Variants in BCL2L13 observed in about 807,000 individuals in gnomAD.
BCL2L13 encodes BCL2 like 13, also known as bcl-2-like protein 13.
A neutral mutation model predicts 25.8 loss-of-function variants in BCL2L13; 13 were observed. The observed-to-expected ratio is 0.50, with a 90% CI of 0.33 to 0.80. BCL2L13 has a LOEUF of 0.80. Among genes scored for constraint, BCL2L13 ranks in the 30% least tolerant of loss-of-function variants. The probability of loss-of-function intolerance (pLI) is 0.02; values close to 1 mark genes in which losing one functional copy is unlikely to be tolerated. For missense variants in BCL2L13, 504 were observed against 574.9 expected, an observed-to-expected ratio of 0.88 and a Z score of 1.26; for synonymous variants, 244 against 230.3, an observed-to-expected ratio of 1.06 and a Z score of -0.54.
intron 1 of BCL2L13, chr22:17,629,020 G>A (rs1230175264): frequency 2.1e-5 from 5 of 234,898 alleles, no homozygotes; most frequent in Non-Finnish European, 4.4e-5. Flanking sequence ...ATTGGAGAAT[G>A]TGCCTTTATT....
At chr22:17,716,640 A>G (rs1232085547) in intron 6 of BCL2L13, among the ~76,000 whole-genome samples, 1 of 152,216 alleles carries the variant, frequency 6.6e-6, no homozygotes, top group African/African-American at 2.4e-5. Flanking sequence ...GGAAAACATT[A>G]ATGTGCTCAA....
intron 2 of BCL2L13, among the ~76,000 whole-genome samples, chr22:17,670,373 CTT>C (rs370701152): frequency 8.5e-5 from 11 of 128,854 alleles, no homozygotes; most frequent in Middle Eastern, 4.0e-3. Context: ...CTCAAATCAG[CTT>C]TTTTTTTTTT....
At position 17,660,083 on chromosome 22, in the gene BCL2L13, T is replaced by C. The variant is rs563506344; in HGVS notation, c.121+4251T>C. Among the ~76,000 whole-genome samples, 128 of 145,934 alleles carry C rather than the reference T, an allele frequency of 8.8e-4. 17 individuals are homozygous for C. Among genetic ancestry groups the C allele is most frequent in the Admixed American group, 1.4e-3 (21 of 14,578 alleles). On this transcript the variant is annotated intron_variant, in intron 2 of 6. Transcript: ENST00000317582. ...GTTGGCCAGGCTGGTCTCGAACTCTTGTTCTCAGGTGATCCACCCCACCTT... is the reference window on the plus strand; with the variant it reads ...GTTGGCCAGGCTGGTCTCGAACTCTCGTTCTCAGGTGATCCACCCCACCTT...
intron 1 of BCL2L13, 74 bp downstream of exon 1, chr22:17,638,960 G>A (rs1386858149): frequency 8.5e-6 from 10 of 1,174,954 alleles, no homozygotes; most frequent in East Asian, 6.4e-5. Context: ...AAAGTGCCCA[G>A]AGACCGTATC....
In BCL2L13 at chr22:17,655,727, A is replaced by C. The variant is rs761460795; in HGVS notation, c.16A>C (p.Thr6Pro). MASSS[T>P]VPLGFHYETK... Reference sequence around the variant, plus strand: ...AGCCAATTCAATGGCGTCCTCTTCTACTGTGCCTCTGGGATTTCACTATGA... The same window carrying C: ...AGCCAATTCAATGGCGTCCTCTTCTCCTGTGCCTCTGGGATTTCACTATGA... Residue 6 changes from threonine to proline, a missense_variant, in exon 2 of 7, where the codon ACT becomes CCT. By Grantham distance (38) the Thr-to-Pro change is conservative. Coordinates refer to ENST00000317582, the MANE Select transcript of BCL2L13 (RefSeq NM_015367.4). 3 of 1,613,098 alleles carry C rather than the reference A, an allele frequency of 1.9e-6. No individual in the cohort carries two copies. The highest frequency in any genetic ancestry group is 3.3e-5 in the Admixed American group (2 of 59,926).
chr22:17,673,284 A>G (rs994014542), intron 2 of BCL2L13, among the ~76,000 whole-genome samples: 1 of 150,828 alleles, frequency 6.6e-6, no homozygotes, highest in South Asian at 2.1e-4. Context: ...TAAATGCTCT[A>G]TTTATCTTCC....
At chr22:17,636,673 G>A (rs1012637788), upstream of BCL2L13, among the ~76,000 whole-genome samples, 1 of 152,030 alleles carries the variant, frequency 6.6e-6, no homozygotes, top group Admixed American at 6.6e-5. Flanking sequence ...GTGGGTGCCT[G>A]TAATCCCAGC....
chr22:17,674,900 G>GA (rs1568957969), intron 2 of BCL2L13, among the ~76,000 whole-genome samples: 1 of 151,730 alleles, frequency 6.6e-6, no homozygotes, highest in African/African-American at 2.4e-5. Flanking sequence ...ATGCATAATG[G>GA]AAAAATCCAA....
intron 2 of BCL2L13, among the ~76,000 whole-genome samples, chr22:17,659,000 G>A (rs1231985209): frequency 7.6e-6 from 1 of 132,424 alleles, no homozygotes; most frequent in Non-Finnish European, 1.7e-5. Flanking sequence ...GGAGGTTGCA[G>A]TGAGCTGGGA....
At chr22:17,707,556 G>T (rs760287811) in intron 6 of BCL2L13, among the ~76,000 whole-genome samples, 1 of 152,156 alleles carries the variant, frequency 6.6e-6, no homozygotes, top group South Asian at 2.1e-4. Flanking sequence ...TATGAAGAAT[G>T]ATTTAGATTG....
rs560352693 is a variant in BCL2L13 at position 17,696,665 on chromosome 22, G to A, written c.456+455G>A. ...AGCATCCCAACCATCCTTTGCAGAA[G>A]ACAGAATGGATTTTATTAGGTCTTC... On this transcript the variant is annotated intron_variant, in intron 5 of 6. Coordinates refer to ENST00000317582, the MANE Select transcript of BCL2L13 (RefSeq NM_015367.4). Among the ~76,000 whole-genome samples the A allele has an allele frequency of 6.6e-5, 10 of 152,292 alleles. No homozygotes were observed. The South Asian group carries it at 2.1e-3, about 32-fold the overall frequency.
At chr22:17,654,625 T>C (rs964761780) in intron 1 of BCL2L13, among the ~76,000 whole-genome samples, 6 of 151,288 alleles carry the variant, frequency 4.0e-5, no homozygotes, top group Non-Finnish European at 4.4e-5. Flanking sequence ...GGGGTTTCAC[T>C]CTGTTAGCCA....
intron 2 of BCL2L13, among the ~76,000 whole-genome samples, chr22:17,662,785 C>T (rs2059115758): frequency 6.6e-6 from 1 of 151,840 alleles, no homozygotes; most frequent in Non-Finnish European, 1.5e-5. Flanking sequence ...TGCCACTGTA[C>T]TCCTAGGCGA....
At chr22:17,696,669 G>T (rs931865866) in intron 5 of BCL2L13, among the ~76,000 whole-genome samples, 20 of 152,156 alleles carry the variant, frequency 1.3e-4, no homozygotes, top group Non-Finnish European at 2.9e-5. Context: ...GCAGAAGACA[G>T]AATGGATTTT....
chr22:17,721,124 C>T (rs1334143699), intron 6 of BCL2L13, among the ~76,000 whole-genome samples: 2 of 151,776 alleles, frequency 1.3e-5, no homozygotes, highest in East Asian at 1.9e-4. Context: ...GAGCCGAGAT[C>T]GTGCCACTGT....
rs1457015087 is a variant in BCL2L13 at position 17,642,091 on chromosome 22, G to A, written c.-51+3205G>A. On this transcript the variant is annotated intron_variant, in intron 1 of 6. Coordinates refer to ENST00000317582, the MANE Select transcript of BCL2L13 (RefSeq NM_015367.4). ...TGGGATTACAGGTGTGTGCCACCGCGCCTGACCAATATGTGGTCTTTTGTG... is the reference window on the plus strand; with the variant it reads ...TGGGATTACAGGTGTGTGCCACCGCACCTGACCAATATGTGGTCTTTTGTG... Among the ~76,000 whole-genome samples the A allele has an allele frequency of 3.4e-5, 5 of 147,578 alleles. No individual in the cohort carries two copies. The South Asian group carries it at 6.4e-4, about 19-fold the overall frequency.
intron 6 of BCL2L13, among the ~76,000 whole-genome samples, chr22:17,722,384 T>C (rs746339553): frequency 0.032 from 4,515 of 139,968 alleles, 198 homozygotes; most frequent in African/African-American, 0.11. Flanking sequence ...CAGGGGTGTG[T>C]GTGTGTGTGT....
At chr22:17,631,805 T>A (rs2058036180) in intron 1 of BCL2L13, among the ~76,000 whole-genome samples, 1 of 141,564 alleles carries the variant, frequency 7.1e-6, no homozygotes, top group Non-Finnish European at 1.5e-5. Flanking sequence ...CACTGCAACT[T>A]CCACCTCCCG....
At chr22:17,709,604 T>C (rs1018087635) in intron 6 of BCL2L13, among the ~76,000 whole-genome samples, 2 of 151,464 alleles carry the variant, frequency 1.3e-5, no homozygotes, top group African/African-American at 4.8e-5. Flanking sequence ...TCAGGAAAGA[T>C]AAATAAATAA....
Sources: allele counts gnomAD v4.1 joint callset (sites outside exome capture counted in the v4.1 genomes callset), GRCh38; gene constraint gnomAD v4.1.1; transcripts MANE v1.5; gene names NCBI Gene and HGNC (gene_info 2026-07-23, HGNC 2026-07-21).